The following TOP1 variants were observed in gnomAD, a reference collection of about 807,000 sequenced individuals.
The protein encoded by TOP1 is DNA topoisomerase 1.
TOP1 carries 10 observed loss-of-function variants against 111.1 expected under a neutral mutation model. The observed-to-expected ratio is 0.09, with a 90% CI of 0.06 to 0.15. The LOEUF is 0.15. TOP1 is among the 10% of genes least tolerant of loss of function. The pLI, the probability that TOP1 is intolerant of heterozygous loss-of-function variation, is 1.00. For missense variants in TOP1, 474 were observed against 926.7 expected, an observed-to-expected ratio of 0.51 and a Z score of 6.34; for synonymous variants, 271 against 302.9, an observed-to-expected ratio of 0.89 and a Z score of 1.10.
In TOP1 at chr20:41,097,378, C is replaced by T. The variant is rs2033996165; in HGVS notation, c.852+37C>T. ...CATGTGTTAATATCCTAGTACCTTG[C>T]AAAACAATCAAGTACTAAGTAATAA... On this transcript the variant is annotated intron_variant, in intron 10 of 20. Transcript: ENST00000361337. This position sits in a 1 kb window ranked among gnomAD's most constrained non-coding sequence, Gnocchi z 4.2. The T allele has an allele frequency of 5.1e-6, 8 of 1,554,618 alleles. No homozygotes were observed. The highest frequency in any genetic ancestry group is 6.9e-6 in the Non-Finnish European group (8 of 1,151,932).
At position 41,100,884 on chromosome 20, in the gene TOP1, T is replaced by C. The variant is rs79946712; in HGVS notation, c.1164-325T>C. ...AATAAGGCAGCTACTAGGTTACCCA[T>C]GGGCAAGTGACATATACAGCATGGT... On this transcript the variant is annotated intron_variant, in intron 12 of 20. Transcript: ENST00000361337. This position sits in a 1 kb window ranked among gnomAD's most constrained non-coding sequence, Gnocchi z 4.4. 3.6e-3 allele frequency: 793 copies of C among 221,442 alleles called. 27 individuals are homozygous for C. In the East Asian group the frequency reaches 0.062, roughly 17 times the overall value. 13.7% of individuals were successfully genotyped at this position (221,442 alleles called of 1,614,324 possible). A position where few individuals can be genotyped will look rare whatever the true frequency, so the allele number is the denominator to read the frequency against.
At position 41,046,524 on chromosome 20, in the gene TOP1, A is replaced by C. The variant is rs1450746162; in HGVS notation, c.59-14870A>C. 6.6e-6 allele frequency among the ~76,000 whole-genome samples: 1 copy of C among 152,206 alleles called. No homozygotes were observed. Among genetic ancestry groups the C allele is most frequent in the African/African-American group, 2.4e-5 (1 of 41,448 alleles). On this transcript the variant is annotated intron_variant, in intron 2 of 20. Coordinates refer to ENST00000361337, the MANE Select transcript of TOP1 (RefSeq NM_003286.4). The surrounding 1 kb of genome is among the most constrained non-coding windows in gnomAD (Gnocchi z 4.3). The stretch of plus-strand genomic sequence containing the variant: ...GATGTGTCCTTAACAGACTAAATGC[A>C]GGCTCTGCTGCACTTTAATGTAATT...
At chr20:41,086,985 C>T (rs1250692457) in intron 8 of TOP1, among the ~76,000 whole-genome samples, 1 of 152,284 alleles carries the variant, frequency 6.6e-6, no homozygotes, top group Non-Finnish European at 1.5e-5. Context: ...ATGACCTAGT[C>T]GGGGAGTTAA....
chr20:41,086,595 A>G (rs749701332), intron 8 of TOP1, among the ~76,000 whole-genome samples: 12 of 152,110 alleles, frequency 7.9e-5, no homozygotes, highest in Non-Finnish European at 2.9e-5. Context: ...CCAGCCTTGT[A>G]TGTGTAGAAT....
chr20:41,071,565 G>A lies in TOP1; in HGVS notation c.156-4606G>A, dbSNP rs1396644095. ...TCACTGTGTTGCCCAGGCTGGTCTC[G>A]AACTCCTGACCTCAGGTGATCTGCC... On this transcript the variant is annotated intron_variant, in intron 3 of 20. Coordinates refer to ENST00000361337, the MANE Select transcript of TOP1 (RefSeq NM_003286.4). This position sits in a 1 kb window ranked among gnomAD's most constrained non-coding sequence, Gnocchi z 4.3. Among the ~76,000 whole-genome samples, 2 of 151,430 alleles carry A rather than the reference G, an allele frequency of 1.3e-5. No individual in the cohort carries two copies. The highest frequency in any genetic ancestry group is 1.5e-5 in the Non-Finnish European group (1 of 67,862).
rs2033092739 is a variant in TOP1 at position 41,029,691 on chromosome 20, C to T, written c.58+236C>T. On this transcript the variant is annotated intron_variant, in intron 2 of 20. Coordinates refer to ENST00000361337, the MANE Select transcript of TOP1 (RefSeq NM_003286.4). This position sits in a 1 kb window ranked among gnomAD's most constrained non-coding sequence, Gnocchi z 6.1. ...ACAACGGAGACCCCGTGTCGTCCGC[C>T]ACCGGGCCTCGGGCGGTCTTTCCGG... 1 of 598,190 alleles carries T rather than the reference C, an allele frequency of 1.7e-6. No homozygotes were observed. Among genetic ancestry groups the T allele is most frequent in the South Asian group, 1.7e-5 (1 of 57,488 alleles). The allele number at this position is 598,190 out of a possible 1,614,324, so 37.1% of individuals were successfully genotyped here. A position where few individuals can be genotyped will look rare whatever the true frequency, so the allele number is the denominator to read the frequency against.
At position 41,061,844 on chromosome 20, in the gene TOP1, T is replaced by A. The variant is rs958041722; in HGVS notation, c.155+354T>A. 1.3e-5 allele frequency among the ~76,000 whole-genome samples: 2 copies of A among 152,224 alleles called. No homozygotes were observed. The highest frequency in any genetic ancestry group is 4.8e-5 in the African/African-American group (2 of 41,462). ...AAGGTAACTGGATTGGAGACCTGAT[T>A]TTTTTTCTTCTTTCTATATTTTAAA... On this transcript the variant is annotated intron_variant, in intron 3 of 20. Coordinates refer to ENST00000361337, the MANE Select transcript of TOP1 (RefSeq NM_003286.4). The surrounding 1 kb of genome is among the most constrained non-coding windows in gnomAD (Gnocchi z 4.6).
intron 3 of TOP1, among the ~76,000 whole-genome samples, chr20:41,066,545 CTCTTT>C (rs1394778196): frequency 2.0e-5 from 3 of 147,410 alleles, no homozygotes; most frequent in Non-Finnish European, 4.4e-5. Flanking sequence ...ACTTTTGTGC[CTCTTT>C]TCTTTTCTTT....
rs748506884 is a variant in TOP1, at chr20:41,061,485, C to T, written c.150C>T (p.Ser50=). ...KEKDREKSKH[S]NSEHKDSEKK... ...AGGACCGGGAAAAGTCCAAGCATAG[C>T]AACAGGTAAGGGTGGAATCAAGCAA... Residue 50 remains serine (S), a synonymous_variant, in exon 3 of 21, where the codon AGC becomes AGT. Transcript: ENST00000361337. The surrounding 1 kb of genome is among the most constrained non-coding windows in gnomAD (Gnocchi z 4.6). 4 of 1,593,052 alleles carry T rather than the reference C, an allele frequency of 2.5e-6. No homozygotes were observed. Among genetic ancestry groups the T allele is most frequent in the Non-Finnish European group, 3.4e-6 (4 of 1,168,052 alleles).
chr20:41,062,411 A>G (rs769887586), intron 3 of TOP1, among the ~76,000 whole-genome samples: 11 of 152,200 alleles, frequency 7.2e-5, no homozygotes, highest in African/African-American at 2.2e-4. Flanking sequence ...AATTTTCTCT[A>G]TTGGGGACAT....
chr20:41,076,737 GT>G (rs1159176380), intron 4 of TOP1, among the ~76,000 whole-genome samples: 1 of 152,142 alleles, frequency 6.6e-6, no homozygotes, highest in Admixed American at 6.5e-5. Flanking sequence ...ACTCTGTATA[GT>G]TTTAAAAAGA....
chr20:41,113,003 C>A (rs2145964330), intron 14 of TOP1, 78 bp downstream of exon 14: 2 of 1,449,020 alleles, frequency 1.4e-6, no homozygotes, highest in Non-Finnish European at 1.9e-6. Flanking sequence ...AGGCCCTGTG[C>A]CACATACTGT....
In TOP1 at chr20:41,081,716, G is replaced by A. The variant is rs188913194; in HGVS notation, c.507+476G>A. On this transcript the variant is annotated intron_variant, in intron 7 of 20. Transcript: ENST00000361337. ...TCTTTACTGCAGCTCCTCCCAATCT[G>A]GCCCCTGCATCTTGTGTCTCTCTTC... 4.0e-3 allele frequency among the ~76,000 whole-genome samples: 615 copies of A among 152,172 alleles called. 12 individuals are homozygous for A. The highest frequency in any genetic ancestry group is 0.028 in the Admixed American group (431 of 15,286).
In TOP1 at chr20:41,098,771, C is replaced by T. The variant is rs955211662; in HGVS notation, c.975+434C>T. On this transcript the variant is annotated intron_variant, in intron 11 of 20. Coordinates refer to ENST00000361337, the MANE Select transcript of TOP1 (RefSeq NM_003286.4). The surrounding 1 kb of genome is among the most constrained non-coding windows in gnomAD (Gnocchi z 5.7). ...CTTCCAGCCTTGGCCATCCTCATTA[C>T]TGAAGGATCTTTCTGGTATCCAGCT... 6.6e-6 allele frequency: 1 copy of T among 151,712 alleles called. No homozygotes were observed. Among genetic ancestry groups the T allele is most frequent in the African/African-American group, 2.4e-5 (1 of 41,134 alleles). 9.4% of individuals were successfully genotyped at this position (151,712 alleles called of 1,614,324 possible).
intron 2 of TOP1, among the ~76,000 whole-genome samples, chr20:41,048,162 C>T (rs950868438): frequency 7.3e-5 from 11 of 151,342 alleles, no homozygotes; most frequent in African/African-American, 2.4e-4. Flanking sequence ...AACAGAGAGA[C>T]CCAATTGGAA....
chr20:41,068,147 C>T (rs1476460459), intron 3 of TOP1, among the ~76,000 whole-genome samples: 1 of 152,170 alleles, frequency 6.6e-6, no homozygotes, highest in Non-Finnish European at 1.5e-5. Flanking sequence ...ATATGGTAGG[C>T]AGCTCAGGTT....
At chr20:41,035,317 C>T (rs2033171546) in intron 2 of TOP1, among the ~76,000 whole-genome samples, 1 of 152,194 alleles carries the variant, frequency 6.6e-6, no homozygotes, top group Non-Finnish European at 1.5e-5. Flanking sequence ...TTCTACCCTT[C>T]CCATCAGATT....
chr20:41,032,976 T>C lies in TOP1; in HGVS notation c.58+3521T>C, dbSNP rs2033139401. ...AATACTTAAGCATTATGCTCCAGGG[T>C]GGTTTTCTTCCCTTACATTGCAACT... On this transcript the variant is annotated intron_variant, in intron 2 of 20. Coordinates refer to ENST00000361337, the MANE Select transcript of TOP1 (RefSeq NM_003286.4). The surrounding 1 kb of genome is among the most constrained non-coding windows in gnomAD (Gnocchi z 4.3). Among the ~76,000 whole-genome samples, 1 of 152,152 alleles carries C rather than the reference T, an allele frequency of 6.6e-6. No homozygotes were observed.
chr20:41,039,486 T>G (rs897586769), intron 2 of TOP1, among the ~76,000 whole-genome samples: 21 of 151,336 alleles, frequency 1.4e-4, no homozygotes, highest in Non-Finnish European at 2.2e-4. Context: ...CAAAAAATGG[T>G]TTTTTTTTGT....
Sources: gnomAD v4.1 joint callset for allele counts (sites outside exome capture counted in the v4.1 genomes callset) on GRCh38, gnomAD v4.1.1 for gene constraint, Gnocchi (gnomAD v3.1) non-coding constraint, MANE v1.5 for transcripts, NCBI Gene and HGNC (gene_info 2026-07-23, HGNC 2026-07-21) for gene names.